The following CCDC91 variants were observed in gnomAD, a reference collection of about 807,000 sequenced individuals.
CCDC91 encodes coiled-coil domain-containing protein 91.
In CCDC91, 48 loss-of-function variants were observed where a neutral mutation model predicts 63.2. The observed-to-expected ratio is 0.76, with a 90% CI of 0.60 to 0.97. The LOEUF is 0.97. Among genes scored for constraint, CCDC91 ranks in the 50% least tolerant of loss-of-function variants. The probability of loss-of-function intolerance (pLI) is 0.00; values close to 1 mark genes in which losing one functional copy is unlikely to be tolerated. For synonymous variants in CCDC91, 167 were observed against 165.8 expected (o/e 1.01, Z -0.06); for missense variants, 500 against 494.6 (o/e 1.01, Z -0.10).
At chr12:28,383,931 A>G (rs1462485748) in intron 7 of CCDC91, among the ~76,000 whole-genome samples, 1 of 152,148 alleles carries the variant, frequency 6.6e-6, no homozygotes, top group Non-Finnish European at 1.5e-5. Flanking sequence ...TAATTAAATC[A>G]AGCTATCAGT....
At chr12:28,388,384 CT>C (rs1227999690) in intron 7 of CCDC91, among the ~76,000 whole-genome samples, 7 of 152,082 alleles carry the variant, frequency 4.6e-5, no homozygotes, top group African/African-American at 1.7e-4. Flanking sequence ...CAAAAAGCTC[CT>C]AGAACTGATA....
At chr12:28,435,329 GT>G (rs1948848823) in intron 8 of CCDC91, among the ~76,000 whole-genome samples, 1 of 151,272 alleles carries the variant, frequency 6.6e-6, no homozygotes, top group Non-Finnish European at 1.5e-5. Flanking sequence ...AGTTCAGAGT[GT>G]TTTTACATTT....
intron 1 of CCDC91, among the ~76,000 whole-genome samples, chr12:28,215,355 T>G (rs1330707344): frequency 6.6e-6 from 1 of 152,186 alleles, no homozygotes; most frequent in Non-Finnish European, 1.5e-5. Flanking sequence ...TCTCTTTATT[T>G]ATATACACAC....
intron 6 of CCDC91, among the ~76,000 whole-genome samples, chr12:28,326,424 A>G (rs1390364469): frequency 6.7e-6 from 1 of 150,318 alleles, no homozygotes; most frequent in Admixed American, 6.6e-5. Flanking sequence ...TTATACTTTA[A>G]GTTTTAGGGT....
At chr12:28,208,688 A>T (rs1484208380) in intron 1 of CCDC91, among the ~76,000 whole-genome samples, 2 of 152,258 alleles carry the variant, frequency 1.3e-5, no homozygotes, top group African/African-American at 4.8e-5. Flanking sequence ...AAAAATTTTT[A>T]AAAAGGTAAA....
intron 8 of CCDC91, among the ~76,000 whole-genome samples, chr12:28,442,251 A>G (rs1256129769): frequency 6.6e-6 from 1 of 152,144 alleles, no homozygotes; most frequent in Non-Finnish European, 1.5e-5. Context: ...AGGAGTATTA[A>G]GAATGAAGTG....
At chr12:28,350,317 T>C (rs1397503854) in intron 6 of CCDC91, among the ~76,000 whole-genome samples, 2 of 152,236 alleles carry the variant, frequency 1.3e-5, no homozygotes, top group Admixed American at 6.5e-5. Flanking sequence ...CTGTGTTAAA[T>C]AGTTGATATT....
intron 7 of CCDC91, among the ~76,000 whole-genome samples, chr12:28,367,464 A>C (rs1468442934): frequency 6.6e-6 from 1 of 152,226 alleles, no homozygotes; most frequent in African/African-American, 2.4e-5. Flanking sequence ...AACAAACTGA[A>C]AACAAATGAA....
intron 8 of CCDC91, among the ~76,000 whole-genome samples, chr12:28,398,183 C>T (rs1027489219): frequency 6.6e-6 from 1 of 152,104 alleles, no homozygotes; most frequent in African/African-American, 2.4e-5. Context: ...TAATTACCTT[C>T]CTTCTATAAA....
At chr12:28,354,402 A>G (rs541060493) in intron 6 of CCDC91, among the ~76,000 whole-genome samples, 56 of 152,260 alleles carry the variant, frequency 3.7e-4, no homozygotes, top group African/African-American at 1.3e-3. Context: ...TAAGTCCAGG[A>G]TAATCTCATC....
At chr12:28,276,100 T>A in intron 3 of CCDC91, among the ~76,000 whole-genome samples, 1 of 152,092 alleles carries the variant, frequency 6.6e-6, no homozygotes, top group Non-Finnish European at 1.5e-5. Context: ...CTAAAAATTC[T>A]TTTTTTCTTA....
At chr12:28,358,911 T>A (rs984961204) in intron 6 of CCDC91, among the ~76,000 whole-genome samples, 2 of 152,162 alleles carry the variant, frequency 1.3e-5, no homozygotes, top group African/African-American at 4.8e-5. Context: ...TTTTTTTCTT[T>A]TTGAGACAGA....
intron 3 of CCDC91, among the ~76,000 whole-genome samples, chr12:28,276,344 T>G (rs1420087968): frequency 6.6e-6 from 1 of 152,030 alleles, no homozygotes; most frequent in Non-Finnish European, 1.5e-5. Context: ...TTGGATTCAC[T>G]GGGTGTAAAC....
chr12:28,499,360 T>A (rs375441444), intron 12 of CCDC91, among the ~76,000 whole-genome samples: 1 of 141,736 alleles, frequency 7.1e-6, no homozygotes, highest in South Asian at 2.2e-4. Context: ...TCACTTTTAT[T>A]ATTATTATTA....
At chr12:28,362,553 A>G (rs1210090416) in intron 7 of CCDC91, 38 bp downstream of exon 7, 3 of 1,338,104 alleles carry the variant, frequency 2.2e-6, no homozygotes, top group East Asian at 4.8e-5. Context: ...TAAACCTTGG[A>G]TAACTTTAGT....
chr12:28,409,264 C>G (rs1367927193), intron 8 of CCDC91, among the ~76,000 whole-genome samples: 1 of 151,938 alleles, frequency 6.6e-6, no homozygotes, highest in South Asian at 2.1e-4. Flanking sequence ...CTTTCTATTC[C>G]TAGTTTTTAT....
chr12:28,391,553 T>C, intron 8 of CCDC91, 142 bp downstream of exon 8: 1 of 523,472 alleles, frequency 1.9e-6, no homozygotes, highest in Non-Finnish European at 3.4e-6. Flanking sequence ...ACTCAAAGAT[T>C]GAGAATTTTA....
chr12:28,396,252 G>C (rs1266553165), intron 8 of CCDC91, among the ~76,000 whole-genome samples: 1 of 152,118 alleles, frequency 6.6e-6, no homozygotes, highest in Admixed American at 6.5e-5. Flanking sequence ...GAAAATATAA[G>C]TGTTAAGGGT....
intron 1 of CCDC91, among the ~76,000 whole-genome samples, chr12:28,225,101 C>G (rs1036710147): frequency 6.6e-6 from 1 of 152,122 alleles, no homozygotes; most frequent in African/African-American, 2.4e-5. Context: ...CTTGGGATCT[C>G]TTCTCATCCT....
Sources: allele counts gnomAD v4.1 joint callset (sites outside exome capture counted in the v4.1 genomes callset), GRCh38; gene constraint gnomAD v4.1.1; transcripts MANE v1.5; gene names NCBI Gene and HGNC (gene_info 2026-07-23, HGNC 2026-07-21).